Variants in UBE2W observed in about 807,000 individuals in gnomAD.
UBE2W encodes the protein ubiquitin-conjugating enzyme E2 W.
In UBE2W, 18 loss-of-function variants were observed where a neutral mutation model predicts 27.2. The ratio of observed to expected loss-of-function variants is 0.66; its 90% CI spans 0.46 to 0.98. The LOEUF (loss-of-function observed/expected upper bound fraction) is 0.98, where lower values mean the gene tolerates loss of function less well. Among genes scored for constraint, UBE2W ranks in the 50% least tolerant of loss-of-function variants. UBE2W has a pLI of 0.00. For missense variants in UBE2W, 90 were observed against 180.2 expected (o/e 0.50, Z 2.87); for synonymous variants, 53 against 57.2 (o/e 0.93, Z 0.33).
intron 2 of UBE2W, among the ~76,000 whole-genome samples, chr8:73,827,411 T>TC (rs1379444005): frequency 2.0e-5 from 3 of 152,036 alleles, no homozygotes; most frequent in African/African-American, 7.2e-5. Context: ...AGGGTGTTTC[T>TC]CCATGTTTTT....
intron 1 of UBE2W, among the ~76,000 whole-genome samples, chr8:73,848,612 A>C (rs1357132271): frequency 1.3e-5 from 2 of 152,190 alleles, no homozygotes; most frequent in Non-Finnish European, 2.9e-5. Context: ...GGAACACCTG[A>C]GCCTAGGAAT....
Position 73,787,001 on chromosome 8 carries a change from A to T in UBE2W, c.*7101T>A, listed in dbSNP as rs1239837659. 1 of 985,346 alleles carries T rather than the reference A, an allele frequency of 1.0e-6. No homozygotes were observed. Among genetic ancestry groups the T allele is most frequent in the African/African-American group, 1.7e-5 (1 of 57,254 alleles). 61.0% of individuals were successfully genotyped at this position (985,346 alleles called of 1,614,324 possible). A position where few individuals can be genotyped will look rare whatever the true frequency, so the allele number is the denominator to read the frequency against. ...TAATGACATATATTCACCCACATTA[A>T]GTCCCTGAAGGCCAGATACAGACAT... is the stretch of plus-strand genomic sequence containing the variant. On this transcript the variant is annotated 3_prime_UTR_variant, in exon 6 of 6. Transcript: ENST00000602593.
At chr8:73,866,286 AAAAAATATATATATATAT>A (rs1811761319) in intron 1 of UBE2W, among the ~76,000 whole-genome samples, 2 of 89,770 alleles carry the variant, frequency 2.2e-5, no homozygotes, top group South Asian at 7.3e-4. Flanking sequence ...AAAAAAAAAA[AAAAAATATATATATATAT>A]ATATATATAT....
chr8:73,822,217 T>TA (rs972410187), intron 3 of UBE2W, among the ~76,000 whole-genome samples: 37 of 152,128 alleles, frequency 2.4e-4, no homozygotes, highest in African/African-American at 8.2e-4. Context: ...GGGAAGCAGT[T>TA]AGAGTGGTTG....
intron 2 of UBE2W, among the ~76,000 whole-genome samples, 161 bp downstream of exon 2, chr8:73,830,220 T>C (rs549603283): frequency 2.0e-5 from 3 of 152,300 alleles, no homozygotes; most frequent in South Asian, 2.1e-4. Context: ...TAAAACAAAA[T>C]TGATTATATA....
At position 73,791,643 on chromosome 8, in the gene UBE2W, G is replaced by T. The variant is rs1299875149; in HGVS notation, c.*2459C>A. ...TAAATGCCTTATGACTTTTAATAATGTAACTAACATATAAATTAAATCTAA... is the reference window on the plus strand; with the variant it reads ...TAAATGCCTTATGACTTTTAATAATTTAACTAACATATAAATTAAATCTAA... On this transcript the variant is annotated 3_prime_UTR_variant, in exon 6 of 6. Transcript: ENST00000602593. 1.0e-6 allele frequency: 1 copy of T among 984,612 alleles called. No homozygotes were observed. Among genetic ancestry groups the T allele is most frequent in the Non-Finnish European group, 1.2e-6 (1 of 829,362 alleles). The allele number at this position is 984,612 out of a possible 1,614,324, so 61.0% of individuals were successfully genotyped here. A position where few individuals can be genotyped will look rare whatever the true frequency, so the allele number is the denominator to read the frequency against.
At chr8:73,801,516 G>A (rs983633275) in intron 5 of UBE2W, among the ~76,000 whole-genome samples, 5 of 152,208 alleles carry the variant, frequency 3.3e-5, no homozygotes, top group African/African-American at 7.2e-5. Flanking sequence ...TCAATTACTA[G>A]TGAGATTGAA....
intron 1 of UBE2W, chr8:73,834,056 TAAAGTG>T (rs1436451804): frequency 1.3e-5 from 2 of 152,240 alleles, no homozygotes; most frequent in East Asian, 3.8e-4. Context: ...AGTCTTTTCT[TAAAGTG>T]AAGAAGACAA....
At chr8:73,832,570 A>T (rs1157266267) in intron 1 of UBE2W, among the ~76,000 whole-genome samples, 2 of 152,248 alleles carry the variant, frequency 1.3e-5, no homozygotes, top group Non-Finnish European at 2.9e-5. Context: ...TAAAGCAGTT[A>T]TGACGAATAG....
At chr8:73,858,259 G>A (rs1178588083) in intron 1 of UBE2W, among the ~76,000 whole-genome samples, 1 of 151,606 alleles carries the variant, frequency 6.6e-6, no homozygotes, top group Non-Finnish European at 1.5e-5. Context: ...TACTTAGGAG[G>A]CTGAGGCAGG....
At chr8:73,814,615 TTCA>T in intron 3 of UBE2W, among the ~76,000 whole-genome samples, 1 of 152,094 alleles carries the variant, frequency 6.6e-6, no homozygotes, top group South Asian at 2.1e-4. Flanking sequence ...ATCTCCTGGG[TTCA>T]TATGATTCTC....
intron 3 of UBE2W, among the ~76,000 whole-genome samples, chr8:73,815,529 C>T (rs1320920079): frequency 6.6e-6 from 1 of 152,116 alleles, no homozygotes; most frequent in Admixed American, 6.6e-5. Context: ...ATACAGTTTA[C>T]CAAAAACCTC....
chr8:73,830,437 A>C lies in UBE2W; in HGVS notation c.51T>G (p.Asn17Lys). ...RLQKELLALQ[N>K]DPPPGMTLNE... ...TTAAGGTCATTCCAGGAGGTGGGTC[A>C]TTTTGCAAAGCCAACAGTTCTTTCT... is the stretch of plus-strand genomic sequence containing the variant. The change falls in exon 2 of 6, where the codon AAT becomes AAG. Residue 17 changes from asparagine to lysine, a missense_variant. Transcript: ENST00000602593. The C allele has an allele frequency of 1.9e-6, 3 of 1,613,932 alleles. No homozygotes were observed. Among genetic ancestry groups the C allele is most frequent in the Non-Finnish European group, 2.5e-6 (3 of 1,179,828 alleles).
chr8:73,805,689 C>A lies in UBE2W; in HGVS notation c.404G>T (p.Cys135Phe). 6.5e-7 allele frequency: 1 copy of A among 1,544,298 alleles called. No homozygotes were observed. The highest frequency in any genetic ancestry group is 8.8e-7 in the Non-Finnish European group (1 of 1,139,510). Reference sequence around the variant, plus strand: ...TTTTGTTTTCTTTGGATTCTTGTTACATGTTCGCACATAAAAAGAATTATC... The same window carrying A: ...TTTTGTTTTCTTTGGATTCTTGTTAAATGTTCGCACATAAAAAGAATTATC... The part of the protein sequence containing the change: ...PPDNSFYVRT[C>F]NKNPKKTKWW... Residue 135 changes from cysteine (C) to phenylalanine (F), a missense_variant, in exon 5 of 6, where the codon TGT becomes TTT. By Grantham distance (205) the Cys-to-Phe change is radical (BLOSUM62 -2). Transcript: ENST00000602593.
chr8:73,859,226 C>A (rs1811442238), intron 1 of UBE2W, among the ~76,000 whole-genome samples: 1 of 152,206 alleles, frequency 6.6e-6, no homozygotes, highest in African/African-American at 2.4e-5. Flanking sequence ...TTGTGACTAG[C>A]TGGGAATGGT....
rs1260696888 is a variant in UBE2W, at chr8:73,792,422, C to CT, written c.*1679dup. Reference sequence around the variant, plus strand: ...CCCACCCCTGAGTTCAGCAATTATACTTTGAGTGTAAAATTATATGCCCTT... The same window carrying CT: ...CCCACCCCTGAGTTCAGCAATTATACTTTTGAGTGTAAAATTATATGCCCTT... On this transcript the variant is annotated 3_prime_UTR_variant, in exon 6 of 6. Transcript: ENST00000602593. 3.0e-6 allele frequency: 3 copies of CT among 985,256 alleles called. No individual in the cohort carries two copies. The highest frequency in any genetic ancestry group is 3.6e-6 in the Non-Finnish European group (3 of 829,756). 61.0% of individuals were successfully genotyped at this position (985,256 alleles called of 1,614,324 possible).
intron 1 of UBE2W, among the ~76,000 whole-genome samples, chr8:73,842,136 T>C (rs553932848): frequency 1.3e-5 from 2 of 152,208 alleles, no homozygotes; most frequent in South Asian, 4.1e-4. Context: ...AAGATACATA[T>C]AAAATAGCTT....
At chr8:73,840,302 T>C (rs1810487748) in intron 1 of UBE2W, among the ~76,000 whole-genome samples, 1 of 152,190 alleles carries the variant, frequency 6.6e-6, no homozygotes. Flanking sequence ...GTGATCCGCC[T>C]GCCTTGGCCT....
downstream of UBE2W, among the ~76,000 whole-genome samples, chr8:73,782,304 T>C (rs1389606632): frequency 6.6e-6 from 1 of 152,076 alleles, no homozygotes; most frequent in Non-Finnish European, 1.5e-5. Flanking sequence ...ATAAAGTGTA[T>C]AATTTGATGA....
Sources: allele counts gnomAD v4.1 joint callset (sites outside exome capture counted in the v4.1 genomes callset), GRCh38; gene constraint gnomAD v4.1.1; transcripts MANE v1.5; gene names NCBI Gene and HGNC (gene_info 2026-07-23, HGNC 2026-07-21).